The following GRK5 variants were observed in gnomAD, a reference collection of about 807,000 sequenced individuals.
The protein encoded by GRK5 is G protein-coupled receptor kinase 5, also known as g protein-coupled receptor kinase GRK5.
A neutral mutation model predicts 78.4 loss-of-function variants in GRK5; 40 were observed. The observed-to-expected ratio is 0.51, with a 90% confidence interval of 0.40 to 0.66. The LOEUF is 0.66. Among genes scored for constraint, GRK5 ranks in the 30% least tolerant of loss-of-function variants. GRK5 has a pLI of 0.00. For synonymous variants in GRK5, 289 were observed against 296.8 expected (o/e 0.97, Z 0.27); for missense variants, 598 against 759.9 (o/e 0.79, Z 2.50).
chr10:119,313,184 G>A (rs111939560), intron 1 of GRK5, among the ~76,000 whole-genome samples: 9,822 of 114,350 alleles, frequency 0.086, no homozygotes, highest in Non-Finnish European at 0.13. Context: ...TGGTGATGGT[G>A]ATGATGATGG....
intron 15 of GRK5, 46 bp downstream of exon 15, chr10:119,453,322 C>G: frequency 1.2e-6 from 2 of 1,609,746 alleles, no homozygotes; most frequent in Non-Finnish European, 1.7e-6. Context: ...CTCCGAGACC[C>G]CTGGCTCACT....
intron 2 of GRK5, among the ~76,000 whole-genome samples, chr10:119,339,307 C>T (rs546298479): frequency 1.8e-3 from 269 of 152,308 alleles, no homozygotes; most frequent in Middle Eastern, 3.4e-3. Flanking sequence ...GCAGCCTGAG[C>T]GTGACAGCGT....
intron 1 of GRK5, among the ~76,000 whole-genome samples, chr10:119,318,601 C>G (rs539735054): frequency 1.4e-4 from 22 of 152,238 alleles, no homozygotes; most frequent in African/African-American, 5.3e-4. Flanking sequence ...GATCACAGGG[C>G]TCTGGGGGCT....
chr10:119,214,955 T>C (rs1374753908), intron 1 of GRK5, among the ~76,000 whole-genome samples: 4 of 152,218 alleles, frequency 2.6e-5, no homozygotes, highest in Non-Finnish European at 4.4e-5. Context: ...GCAGAGCAGG[T>C]GTTCAGGGCA....
intron 1 of GRK5, among the ~76,000 whole-genome samples, chr10:119,259,630 G>T (rs889053255): frequency 6.6e-6 from 1 of 152,172 alleles, no homozygotes; most frequent in Admixed American, 6.5e-5. Context: ...CTGTGACCAG[G>T]GAAGTGGGTC....
intron 1 of GRK5, among the ~76,000 whole-genome samples, chr10:119,239,881 G>A (rs1306880964): frequency 6.6e-6 from 1 of 152,180 alleles, no homozygotes; most frequent in Non-Finnish European, 1.5e-5. Context: ...GTATTCCATG[G>A]TGTATATGTG....
intron 1 of GRK5, among the ~76,000 whole-genome samples, chr10:119,227,216 T>TA (rs879422898): frequency 3.9e-5 from 6 of 151,988 alleles, no homozygotes; most frequent in African/African-American, 7.3e-5. Flanking sequence ...AGAGACCAAA[T>TA]AAAAAATGTA....
intron 10 of GRK5, among the ~76,000 whole-genome samples, chr10:119,440,539 G>C (rs1340716213): frequency 2.7e-5 from 4 of 146,434 alleles, no homozygotes; most frequent in African/African-American, 9.9e-5. Context: ...CACCACACCT[G>C]GCTAGTTTTT....
At chr10:119,435,916 A>G (rs1478559514) in intron 8 of GRK5, among the ~76,000 whole-genome samples, 2 of 152,252 alleles carry the variant, frequency 1.3e-5, no homozygotes, top group Non-Finnish European at 2.9e-5. Flanking sequence ...CAATCATGGC[A>G]GAAGGTGAAA....
At chr10:119,285,607 T>C (rs1275868503) in intron 1 of GRK5, among the ~76,000 whole-genome samples, 2 of 152,180 alleles carry the variant, frequency 1.3e-5, no homozygotes, top group African/African-American at 4.8e-5. Flanking sequence ...GGTTGCTGTG[T>C]GAACCATCAG....
chr10:119,272,992 G>C (rs1030815972), intron 1 of GRK5, among the ~76,000 whole-genome samples: 2 of 152,208 alleles, frequency 1.3e-5, no homozygotes, highest in Admixed American at 1.3e-4. Flanking sequence ...CCTCTCTGAC[G>C]CCTTCCAAGT....
intron 2 of GRK5, among the ~76,000 whole-genome samples, chr10:119,331,911 A>G (rs1020831948): frequency 6.6e-6 from 1 of 152,196 alleles, no homozygotes; most frequent in Non-Finnish European, 1.5e-5. Context: ...ACTTTGCCCT[A>G]AGGTGAAGCC....
At chr10:119,451,665 G>A (rs1468205305) in intron 13 of GRK5, among the ~76,000 whole-genome samples, 5 of 152,190 alleles carry the variant, frequency 3.3e-5, no homozygotes, top group Non-Finnish European at 7.3e-5. Context: ...CCCTGCTTCC[G>A]TCCACGTGCA....
intron 2 of GRK5, among the ~76,000 whole-genome samples, chr10:119,346,097 A>G (rs971522220): frequency 7.9e-5 from 12 of 151,402 alleles, no homozygotes; most frequent in Non-Finnish European, 1.6e-4. Flanking sequence ...CTGTTTTCCT[A>G]GAAGGTGCGT....
intron 1 of GRK5, among the ~76,000 whole-genome samples, chr10:119,232,575 T>TG (rs1261751369): frequency 6.6e-6 from 1 of 152,138 alleles, no homozygotes; most frequent in Non-Finnish European, 1.5e-5. Flanking sequence ...AATTGAATCA[T>TG]GGGGGGCAGG....
At chr10:119,245,861 T>C (rs563609452) in intron 1 of GRK5, among the ~76,000 whole-genome samples, 149 of 150,740 alleles carry the variant, frequency 9.9e-4, no homozygotes, top group Non-Finnish European at 1.8e-3. Flanking sequence ...ACTAAAAAAA[T>C]ACAAAAAAGT....
chr10:119,448,940 C>T (rs929931960), intron 13 of GRK5, among the ~76,000 whole-genome samples: 2 of 152,210 alleles, frequency 1.3e-5, no homozygotes, highest in African/African-American at 4.8e-5. Context: ...GTGCGGGATA[C>T]GTGCTGTGAT....
intron 1 of GRK5, among the ~76,000 whole-genome samples, chr10:119,301,775 A>G (rs1850185408): frequency 6.6e-6 from 1 of 152,166 alleles, no homozygotes; most frequent in African/African-American, 2.4e-5. Context: ...TGATCCCTGA[A>G]CAGCAAACAC....
At chr10:119,226,381 G>A (rs1461530346) in intron 1 of GRK5, among the ~76,000 whole-genome samples, 3 of 144,938 alleles carry the variant, frequency 2.1e-5, no homozygotes, top group African/African-American at 7.7e-5. Context: ...GAGCAATCTC[G>A]GCCCACTGCA....
Sources: gnomAD v4.1 joint callset for allele counts (sites outside exome capture counted in the v4.1 genomes callset) on GRCh38, gnomAD v4.1.1 for gene constraint, MANE v1.5 for transcripts, NCBI Gene and HGNC (gene_info 2026-07-23, HGNC 2026-07-21) for gene names.